Variants in PARP12 observed in about 807,000 individuals in gnomAD.
The protein encoded by PARP12 is protein mono-ADP-ribosyltransferase PARP12.
Under a neutral mutation model 72.4 loss-of-function variants are expected in PARP12, and 59 were observed. The ratio of observed to expected loss-of-function variants is 0.81; its 90% CI spans 0.66 to 1.01. The LOEUF (loss-of-function observed/expected upper bound fraction) is 1.01, where lower values mean the gene tolerates loss of function less well. Ranked by LOEUF, PARP12 falls within the 50% of genes least tolerant of loss-of-function variation. The probability of loss-of-function intolerance (pLI) is 0.00; values close to 1 mark genes in which losing one functional copy is unlikely to be tolerated. For missense variants in PARP12, 851 were observed against 914.0 expected, an observed-to-expected ratio of 0.93 and a Z score of 0.89; for synonymous variants, 403 against 371.4, an observed-to-expected ratio of 1.09 and a Z score of -0.98.
At chr7:140,049,578 G>A (rs1816878537) in intron 4 of PARP12, among the ~76,000 whole-genome samples, 1 of 152,146 alleles carries the variant, frequency 6.6e-6, no homozygotes, top group Non-Finnish European at 1.5e-5. Flanking sequence ...CCTGAGACAG[G>A]ATCTCCCTGC....
intron 1 of PARP12, among the ~76,000 whole-genome samples, chr7:140,061,368 T>G (rs1056921274): frequency 2.6e-5 from 4 of 152,180 alleles, no homozygotes; most frequent in Non-Finnish European, 5.9e-5. Flanking sequence ...CATCCCTGAA[T>G]GACTGTATGG....
At chr7:140,054,607 A>C in intron 4 of PARP12, 55 bp downstream of exon 4, 1 of 1,391,678 alleles carries the variant, frequency 7.2e-7, no homozygotes, top group Non-Finnish European at 1.0e-6. Flanking sequence ...AGCTCTGGGA[A>C]TGACAAGCAG....
chr7:140,062,495 G>A (rs773589458), intron 1 of PARP12, 27 bp downstream of exon 1: 2 of 1,519,174 alleles, frequency 1.3e-6, no homozygotes, highest in Non-Finnish European at 8.8e-7. Flanking sequence ...ACCTCCGCCC[G>A]CCGTCGCTCC....
intron 5 of PARP12, among the ~76,000 whole-genome samples, chr7:140,043,767 AG>A (rs1445225925): frequency 3.9e-5 from 6 of 152,142 alleles, no homozygotes; most frequent in Non-Finnish European, 5.9e-5. Context: ...CCTGGCCTCA[AG>A]CCATCCGCCC....
chr7:140,025,027 T>C lies in PARP12; in HGVS notation c.1781-142A>G. On this transcript the variant is annotated intron_variant, in intron 11 of 11. Transcript: ENST00000263549. ...CATCTCCCTCCCTCCCTCTGTGCCA[T>C]GTCTCCACTCTCCCTCATGAAGTCA... The C allele has an allele frequency of 4.2e-6, 3 of 717,992 alleles. No individual in the cohort carries two copies. In the South Asian group the frequency reaches 5.3e-5, roughly 13 times the overall value. The allele number at this position is 717,992 out of a possible 1,614,324, so 44.5% of individuals were successfully genotyped here. A position where few individuals can be genotyped will look rare whatever the true frequency, so the allele number is the denominator to read the frequency against.
In PARP12 at chr7:140,062,596, G is replaced by C; in HGVS notation, c.252C>G (p.Gly84=). 1 of 1,526,602 alleles carries C rather than the reference G, an allele frequency of 6.6e-7. No individual in the cohort carries two copies. 94.6% of individuals were successfully genotyped at this position (1,526,602 alleles called of 1,614,324 possible). The change falls in exon 1 of 12, where the codon GGC becomes GGG. Residue 84 remains glycine (G), a synonymous_variant. Transcript: ENST00000263549. The stretch of plus-strand genomic sequence containing the variant: ...GGAGCTGCGCGCAGAGCCCCACGCA[G>C]CCCGGCTTGGAGCCCTGGTGCGCGC... ...LCRAHQGSKP[G]CVGLCAQLHL...
At chr7:140,038,241 G>A (rs187201104) in intron 6 of PARP12, 29 of 985,404 alleles carry the variant, frequency 2.9e-5, no homozygotes, top group African/African-American at 3.5e-5. Context: ...GGTCTTACCC[G>A]TCTATTCACG....
At chr7:140,059,002 G>A (rs552760590) in intron 1 of PARP12, among the ~76,000 whole-genome samples, 1 of 152,062 alleles carries the variant, frequency 6.6e-6, no homozygotes, top group South Asian at 2.1e-4. Flanking sequence ...GGCTGAGGCA[G>A]GACAATCGCT....
In PARP12 at chr7:140,057,002, T is replaced by C. The variant is rs1419821078; in HGVS notation, c.614A>G (p.Glu205Gly). 1.9e-6 allele frequency: 3 copies of C among 1,614,106 alleles called. No homozygotes were observed. Among genetic ancestry groups the C allele is most frequent in the Non-Finnish European group, 1.7e-6 (2 of 1,180,052 alleles). ...CAACTTCTCCAATTTTTCCAGATTC[T>C]CAGAATTAGAGAAATCATGGGATCT... ...CKRSHDFSNS[E>G]NLEKLEKLGM... Residue 205 changes from glutamate to glycine, a missense_variant, in exon 3 of 12, where the codon GAG (glutamate) becomes GGG (glycine). This residue lies in a region of PARP12 where 492 missense variants were observed against 489.3 expected (regional missense o/e 1.01). Transcript: ENST00000263549.
chr7:140,054,673 C>T lies in PARP12; in HGVS notation c.851G>A (p.Cys284Tyr). The T allele has an allele frequency of 2.5e-6, 4 of 1,613,018 alleles. No individual in the cohort carries two copies. The highest frequency in any genetic ancestry group is 3.4e-6 in the Non-Finnish European group (4 of 1,178,946). ...QICLYHIRKS[C>Y]SFQDKCHRVH... Reference sequence around the variant, plus strand: ...CTCTTCCAACTTACCTTGAAAGCTACAACTTTTCCGGATATGGTACAAACA... The same window carrying T: ...CTCTTCCAACTTACCTTGAAAGCTATAACTTTTCCGGATATGGTACAAACA... Residue 284 changes from cysteine (C) to tyrosine (Y), a missense_variant, in exon 4 of 12, where the codon TGT becomes TAT. Cys to Tyr is a radical substitution (Grantham distance 194, BLOSUM62 -2). Coordinates refer to ENST00000263549, the MANE Select transcript of PARP12 (RefSeq NM_022750.4).
rs1030693878 is a variant in PARP12, at chr7:140,041,765, G to C, written c.1061C>G (p.Thr354Ser). The C allele has an allele frequency of 1.2e-6, 2 of 1,614,034 alleles. No homozygotes were observed. Among genetic ancestry groups the C allele is most frequent in the African/African-American group, 2.7e-5 (2 of 74,912 alleles). The part of the protein sequence containing the change: ...LNFNAMTYGA[T>S]QARRLSTASS... ...GGCCGTGGAGAGGCGGCGAGCCTGG[G>C]TAGCACCGTAAGTCATGGCGTTAAA... The change falls in exon 6 of 12, where the codon ACC becomes AGC. Residue 354 changes from threonine to serine, a missense_variant. Thr to Ser is a moderately conservative substitution (Grantham distance 58, BLOSUM62 1). Around this residue, in one of 3 missense-constraint regions of PARP12, gnomAD observed 492 missense variants for 489.3 expected, o/e 1.01. Transcript: ENST00000263549.
Position 140,026,089 on chromosome 7 carries a change from G to A in PARP12, c.1780+108C>T, listed in dbSNP as rs1227672349. ...CCAGGTACCACCACACATGGAGTCT[G>A]AACCTGCTCATCAGCTCAGGCTGGT... On this transcript the variant is annotated intron_variant, in intron 11 of 11. Coordinates refer to ENST00000263549, the MANE Select transcript of PARP12 (RefSeq NM_022750.4). The A allele has an allele frequency of 2.6e-6, 4 of 1,523,702 alleles. No homozygotes were observed. In the African/African-American group the frequency reaches 5.5e-5, roughly 21 times the overall value. The allele number at this position is 1,523,702 out of a possible 1,614,324, so 94.4% of individuals were successfully genotyped here.
chr7:140,029,139 A>G (rs1175679330), intron 8 of PARP12: 3 of 153,558 alleles, frequency 2.0e-5, no homozygotes, highest in African/African-American at 7.2e-5. Flanking sequence ...TGAAAAACAT[A>G]AAAGTGACAT....
In PARP12 at chr7:140,062,882, G is replaced by T; in HGVS notation, c.-35C>A. ...GCCTGCTCCCGTCGGACCGCGGGTG[G>T]CGCGACGCGGACGGCGGCGGACGCT... On this transcript the variant is annotated 5_prime_UTR_variant, in exon 1 of 12. Transcript: ENST00000263549. 8.1e-7 allele frequency: 1 copy of T among 1,241,728 alleles called. No individual in the cohort carries two copies. The highest frequency in any genetic ancestry group is 2.9e-5 in the South Asian group (1 of 34,744). The allele number at this position is 1,241,728 out of a possible 1,614,324, so 76.9% of individuals were successfully genotyped here. A position where few individuals can be genotyped will look rare whatever the true frequency, so the allele number is the denominator to read the frequency against.
At chr7:140,038,743 C>T (rs1816325161) in intron 6 of PARP12, among the ~76,000 whole-genome samples, 1 of 152,212 alleles carries the variant, frequency 6.6e-6, no homozygotes. Context: ...AATTTTCCTG[C>T]TCCCCCTACT....
In PARP12 at chr7:140,024,491, A is replaced by C. The variant is rs1320303697; in HGVS notation, c.*69T>G. On this transcript the variant is annotated 3_prime_UTR_variant, in exon 12 of 12. Transcript: ENST00000263549. ...GTTCATTAAAAGTTTCTGTTTAAAA[A>C]GAAAAGGAAAGGCCCAAATAGCCAT... 1.3e-6 allele frequency: 2 copies of C among 1,501,138 alleles called. No individual in the cohort carries two copies. The highest frequency in any genetic ancestry group is 2.8e-5 in the African/African-American group (2 of 72,206). The allele number at this position is 1,501,138 out of a possible 1,614,324, so 93.0% of individuals were successfully genotyped here. A position where few individuals can be genotyped will look rare whatever the true frequency, so the allele number is the denominator to read the frequency against.
chr7:140,059,263 C>T (rs1817337264), intron 1 of PARP12, among the ~76,000 whole-genome samples: 1 of 152,200 alleles, frequency 6.6e-6, no homozygotes, highest in African/African-American at 2.4e-5. Flanking sequence ...GGAGTTGCTG[C>T]ACAGCAGTCA....
chr7:140,037,329 A>C (rs575657967), intron 7 of PARP12, among the ~76,000 whole-genome samples: 8 of 152,360 alleles, frequency 5.3e-5, no homozygotes, highest in Non-Finnish European at 1.2e-4. Context: ...GTCTCAAAAA[A>C]AAGATGACAG....
At chr7:140,033,503 T>C (rs1816026980) in intron 8 of PARP12, 1 of 985,322 alleles carries the variant, frequency 1.0e-6, no homozygotes, top group African/African-American at 1.7e-5. Flanking sequence ...GGCACTGTGG[T>C]CCCTCTCCAC....
Sources: gnomAD v4.1 joint callset for allele counts (sites outside exome capture counted in the v4.1 genomes callset) on GRCh38, gnomAD v4.1.1 for gene constraint, gnomAD v4.1.1 regional missense constraint, MANE v1.5 for transcripts, NCBI Gene and HGNC (gene_info 2026-07-23, HGNC 2026-07-21) for gene names.